Variants in NFIA observed in about 807,000 individuals in gnomAD.
NFIA encodes the protein nuclear factor I A.
A neutral mutation model predicts 62.8 loss-of-function variants in NFIA; 8 were observed. That is an observed-to-expected ratio of 0.13 (90% CI 0.07 to 0.23). The LOEUF (loss-of-function observed/expected upper bound fraction) is 0.23. Among genes scored for constraint, NFIA ranks in the 10% least tolerant of loss-of-function variants. The pLI is 1.00. For missense variants in NFIA, 410 were observed against 642.1 expected, an observed-to-expected ratio of 0.64 and a Z score of 3.91; for synonymous variants, 235 against 238.1, an observed-to-expected ratio of 0.99 and a Z score of 0.12.
At chr1:61,317,454 A>G (rs6657128) in intron 3 of NFIA, among the ~76,000 whole-genome samples, 16,662 of 152,054 alleles carry the variant, frequency 0.11, 1,004 homozygotes, top group Middle Eastern at 0.19. Context: ...AATTATTTTC[A>G]TAAACACACA....
At chr1:61,228,185 C>G (rs1425283099) in intron 2 of NFIA, among the ~76,000 whole-genome samples, 1 of 152,086 alleles carries the variant, frequency 6.6e-6, no homozygotes, top group African/African-American at 2.4e-5. Context: ...TTAGAATTGT[C>G]AGTCATTTCA....
chr1:61,216,162 C>T (rs117408906), intron 2 of NFIA, among the ~76,000 whole-genome samples: 3 of 152,258 alleles, frequency 2.0e-5, no homozygotes, highest in East Asian at 1.9e-4. Flanking sequence ...TGTTGAACAT[C>T]GCTGAGTTCA....
chr1:61,403,522 A>C (rs1665670956), intron 7 of NFIA, among the ~76,000 whole-genome samples: 2 of 152,194 alleles, frequency 1.3e-5, no homozygotes, highest in Admixed American at 1.3e-4. Context: ...TTTGTCTTTG[A>C]AATGGCATCT....
At chr1:61,338,348 G>A (rs181797820) in intron 4 of NFIA, among the ~76,000 whole-genome samples, 2 of 152,362 alleles carry the variant, frequency 1.3e-5, no homozygotes, top group East Asian at 3.9e-4. Context: ...TCAATGGAGA[G>A]TGGGAGTGAA....
chr1:61,377,948 T>G (rs924288135), intron 6 of NFIA, among the ~76,000 whole-genome samples: 7 of 152,192 alleles, frequency 4.6e-5, no homozygotes, highest in Admixed American at 4.6e-4. Context: ...GATCCTTCCC[T>G]TCTCTTCCAT....
intron 6 of NFIA, among the ~76,000 whole-genome samples, chr1:61,359,647 C>T (rs1663175978): frequency 1.3e-5 from 2 of 152,142 alleles, no homozygotes; most frequent in South Asian, 4.1e-4. Flanking sequence ...GTGGCATGAT[C>T]TTGGCTCACT....
intron 2 of NFIA, among the ~76,000 whole-genome samples, chr1:61,246,601 T>G (rs1051894603): frequency 8.6e-6 from 1 of 115,858 alleles, no homozygotes; most frequent in Non-Finnish European, 1.6e-5. Context: ...TCCTTCCAAC[T>G]CTTAAAAAAA....
At chr1:61,350,708 G>A (rs1170065397) in intron 4 of NFIA, among the ~76,000 whole-genome samples, 4 of 152,132 alleles carry the variant, frequency 2.6e-5, no homozygotes, top group Non-Finnish European at 5.9e-5. Context: ...CCTCTTTCCC[G>A]TGTATTCTAC....
intron 3 of NFIA, among the ~76,000 whole-genome samples, chr1:61,306,294 T>TTTTTTA (rs748026405): frequency 0.029 from 3,116 of 108,892 alleles, 84 homozygotes; most frequent in East Asian, 0.041. Context: ...TTTTTTTTTT[T>TTTTTTA]AAGACAGAGT....
rs138639020 is a variant in NFIA at position 61,352,514 on chromosome 1, C to T, written c.765C>T (p.Tyr255=). The change falls in exon 5 of 11, where the codon TAC becomes TAT. Residue 255 remains tyrosine (Y), a synonymous_variant. Coordinates refer to ENST00000403491, the MANE Select transcript of NFIA (RefSeq NM_001134673.4). ...CAGATTTGGAAAGTTCTTCATACTA[C>T]AGCATGAGTCCAGGAGCAATGAGGA... ...SLSDLESSSY[Y]SMSPGAMRRS... is the part of the protein sequence containing the mutation. 1 of 1,613,896 alleles carries T rather than the reference C, an allele frequency of 6.2e-7. No individual in the cohort carries two copies. Among genetic ancestry groups the T allele is most frequent in the African/African-American group, 1.3e-5 (1 of 74,900 alleles).
At chr1:61,308,880 G>C (rs1252383406) in intron 3 of NFIA, among the ~76,000 whole-genome samples, 1 of 152,126 alleles carries the variant, frequency 6.6e-6, no homozygotes, top group Non-Finnish European at 1.5e-5. Context: ...ATTCCAAGGA[G>C]TAACCATAAC....
At chr1:61,314,740 T>C (rs1660282127) in intron 3 of NFIA, among the ~76,000 whole-genome samples, 1 of 152,150 alleles carries the variant, frequency 6.6e-6, no homozygotes, top group Admixed American at 6.5e-5. Flanking sequence ...CAAGCAGTCA[T>C]CAGTATTTAT....
chr1:61,377,229 A>C (rs1664194808), intron 6 of NFIA, among the ~76,000 whole-genome samples: 1 of 152,030 alleles, frequency 6.6e-6, no homozygotes, highest in South Asian at 2.1e-4. Flanking sequence ...TCTCAAAAAA[A>C]AGAAAGAAAG....
chr1:61,340,327 C>A (rs948434735), intron 4 of NFIA, among the ~76,000 whole-genome samples: 1 of 152,156 alleles, frequency 6.6e-6, no homozygotes, highest in Admixed American at 6.5e-5. Flanking sequence ...TTCAAGATGG[C>A]AGCATGATAT....
intron 2 of NFIA, among the ~76,000 whole-genome samples, chr1:61,266,095 G>A (rs552006): frequency 0.75 from 114,534 of 152,094 alleles, 43,439 homozygotes; most frequent in East Asian, 0.85. Context: ...AAGAACCTTT[G>A]CTGAACACCT....
At chr1:61,433,720 A>T (rs1183245416) in intron 10 of NFIA, among the ~76,000 whole-genome samples, 1 of 152,328 alleles carries the variant, frequency 6.6e-6, no homozygotes, top group Admixed American at 6.5e-5. Flanking sequence ...TATAAGAGTT[A>T]CACTTTGAAG....
At chr1:61,133,366 C>T (rs920088188) in intron 2 of NFIA, among the ~76,000 whole-genome samples, 1 of 151,492 alleles carries the variant, frequency 6.6e-6, no homozygotes, top group East Asian at 1.9e-4. Context: ...CATAAACTGG[C>T]TGGTATAGAA....
intron 3 of NFIA, among the ~76,000 whole-genome samples, chr1:61,299,863 C>G (rs757343119): frequency 1.1e-4 from 16 of 152,160 alleles, no homozygotes; most frequent in Admixed American, 2.0e-4. Context: ...AATACCTTCA[C>G]TGAGAAAGCT....
In NFIA at chr1:61,459,913, G is replaced by GTCTC. The variant is rs150982498; in HGVS notation, c.*4609_*4612dup. The GTCTC allele has an allele frequency of 2.0e-5, 3 of 150,720 alleles. No homozygotes were observed. Among genetic ancestry groups the GTCTC allele is most frequent in the Admixed American group, 6.6e-5 (1 of 15,146 alleles). 9.3% of individuals were successfully genotyped at this position (150,720 alleles called of 1,614,324 possible). Reference sequence around the variant, plus strand: ...TATCTTTGTCCATAGTGGTGGTGGAGTCTCTCTCTCTCTCTCTCTTTTTGT... The same window carrying GTCTC: ...TATCTTTGTCCATAGTGGTGGTGGAGTCTCTCTCTCTCTCTCTCTCTCTTTTTGT... On this transcript the variant is annotated 3_prime_UTR_variant, in exon 11 of 11. Transcript: ENST00000403491.
Sources: gnomAD v4.1 joint callset for allele counts (sites outside exome capture counted in the v4.1 genomes callset) on GRCh38, gnomAD v4.1.1 for gene constraint, MANE v1.5 for transcripts, NCBI Gene and HGNC (gene_info 2026-07-23, HGNC 2026-07-21) for gene names.